CACNA2D3: variants seen among roughly 807,000 people sequenced by gnomAD.
CACNA2D3 encodes the protein calcium voltage-gated channel auxiliary subunit alpha2delta 3.
In CACNA2D3, 60 loss-of-function variants were observed where a neutral mutation model predicts 160.6. That is an observed-to-expected ratio of 0.37 (90% CI 0.30 to 0.46). The LOEUF (loss-of-function observed/expected upper bound fraction) is 0.46, where lower values mean the gene tolerates loss of function less well. Ranked by LOEUF, CACNA2D3 falls within the 20% of genes least tolerant of loss-of-function variation. The pLI is 1.00. For missense variants in CACNA2D3, 1,205 were observed against 1,365.0 expected (o/e 0.88, Z 1.85); for synonymous variants, 558 against 492.9 (o/e 1.13, Z -1.75).
intron 3 of CACNA2D3, among the ~76,000 whole-genome samples, chr3:54,382,447 G>GA (rs988656473): frequency 5.3e-4 from 81 of 152,332 alleles, no homozygotes; most frequent in African/African-American, 1.9e-3. Context: ...CTATGGTCTT[G>GA]ACTTTGTTAG....
chr3:54,186,378 A>G (rs1384006653), intron 2 of CACNA2D3, among the ~76,000 whole-genome samples: 5 of 152,162 alleles, frequency 3.3e-5, no homozygotes, highest in African/African-American at 9.7e-5. Flanking sequence ...TCCTCCCAAG[A>G]TATATGCATC....
intron 3 of CACNA2D3, among the ~76,000 whole-genome samples, chr3:54,323,768 C>T (rs1243342225): frequency 6.6e-6 from 1 of 152,098 alleles, no homozygotes; most frequent in Non-Finnish European, 1.5e-5. Context: ...GCTGGGCCCC[C>T]ACCCCGCTAT....
At chr3:54,141,368 C>T (rs1415638706) in intron 2 of CACNA2D3, among the ~76,000 whole-genome samples, 14 of 152,132 alleles carry the variant, frequency 9.2e-5, no homozygotes, top group Non-Finnish European at 1.5e-5. Context: ...TATGTATCAT[C>T]TTTGCCTTGT....
At chr3:54,935,908 A>G (rs935162728) in intron 27 of CACNA2D3, among the ~76,000 whole-genome samples, 1 of 152,184 alleles carries the variant, frequency 6.6e-6, no homozygotes, top group African/African-American at 2.4e-5. Context: ...TGTAGCCCAC[A>G]TTACACATCC....
rs183640912 is a variant in CACNA2D3 at position 54,292,903 on chromosome 3, A to G, written c.205-27539A>G. Among the ~76,000 whole-genome samples, 18 of 152,362 alleles carry G rather than the reference A, an allele frequency of 1.2e-4. No individual in the cohort carries two copies. The East Asian group carries it at 2.9e-3, about 24-fold the overall frequency. On this transcript the variant is annotated intron_variant, in intron 2 of 37. Coordinates refer to ENST00000474759, the MANE Select transcript of CACNA2D3 (RefSeq NM_018398.3). ...AATGTTCTTAGCAGGATTATCCACA[A>G]TAGCCAAAGGTGGAAACAGCCCGAA... is the stretch of plus-strand genomic sequence containing the variant.
At chr3:54,756,247 A>G (rs1701968667) in intron 12 of CACNA2D3, among the ~76,000 whole-genome samples, 1 of 151,932 alleles carries the variant, frequency 6.6e-6, no homozygotes, top group South Asian at 2.1e-4. Context: ...TGATCGTTTC[A>G]TCTTCCTCAT....
intron 17 of CACNA2D3, among the ~76,000 whole-genome samples, chr3:54,861,773 C>T (rs1699296328): frequency 6.6e-6 from 1 of 152,206 alleles, no homozygotes; most frequent in South Asian, 2.1e-4. Context: ...GTGCTGCTTG[C>T]TTTGCCTGGC....
At chr3:54,320,888 C>T (rs1306537240) in intron 3 of CACNA2D3, among the ~76,000 whole-genome samples, 1 of 152,180 alleles carries the variant, frequency 6.6e-6, no homozygotes, top group Admixed American at 6.5e-5. Flanking sequence ...CACTAGGGTT[C>T]AACTAAGCTC....
intron 35 of CACNA2D3, among the ~76,000 whole-genome samples, chr3:55,026,979 G>A (rs1703574953): frequency 6.6e-6 from 1 of 150,528 alleles, no homozygotes; most frequent in Admixed American, 6.6e-5. Context: ...TCACCGCTAA[G>A]CGCGCATGCA....
At position 54,763,787 on chromosome 3, in the gene CACNA2D3, A is replaced by G. The variant is rs866518586; in HGVS notation, c.1247-431A>G. On this transcript the variant is annotated intron_variant, in intron 12 of 37. Transcript: ENST00000474759. Reference sequence around the variant, plus strand: ...TATATATGTATATATGTACATATATATGTATATATATGTACATATATATAC... The same window carrying G: ...TATATATGTATATATGTACATATATGTGTATATATATGTACATATATATAC... Among the ~76,000 whole-genome samples the G allele has an allele frequency of 2.8e-4, 14 of 49,130 alleles. 1 individual carries two copies. The highest frequency in any genetic ancestry group is 5.4e-4 in the Non-Finnish European group (13 of 24,030). 32.2% of individuals were successfully genotyped at this position (49,130 alleles called of 152,430 possible). A position where few individuals can be genotyped will look rare whatever the true frequency, so the allele number is the denominator to read the frequency against.
At chr3:54,668,440 T>C (rs974058818) in intron 11 of CACNA2D3, among the ~76,000 whole-genome samples, 2 of 152,216 alleles carry the variant, frequency 1.3e-5, no homozygotes, top group African/African-American at 4.8e-5. Flanking sequence ...TGGGTTCACC[T>C]CCGCCATTGT....
At chr3:54,831,831 T>A (rs547915637) in intron 14 of CACNA2D3, among the ~76,000 whole-genome samples, 1 of 152,198 alleles carries the variant, frequency 6.6e-6, no homozygotes, top group Admixed American at 6.5e-5. Flanking sequence ...GTCTAAGAGT[T>A]ACAAATCCAT....
At chr3:54,687,468 G>A (rs1325336961) in intron 11 of CACNA2D3, among the ~76,000 whole-genome samples, 1 of 151,636 alleles carries the variant, frequency 6.6e-6, no homozygotes, top group Non-Finnish European at 1.5e-5. Flanking sequence ...ACTTTTCTTG[G>A]GACAAATTTT....
chr3:54,210,420 G>C (rs1053014203), intron 2 of CACNA2D3, among the ~76,000 whole-genome samples: 1 of 150,994 alleles, frequency 6.6e-6, no homozygotes, highest in African/African-American at 2.4e-5. Flanking sequence ...ACTGTGCAAA[G>C]TTTTTGTGTG....
intron 2 of CACNA2D3, among the ~76,000 whole-genome samples, chr3:54,292,348 A>G (rs1703228368): frequency 6.6e-6 from 1 of 152,164 alleles, no homozygotes; most frequent in Non-Finnish European, 1.5e-5. Context: ...ATAGAAATTA[A>G]TTTTTTTGTG....
chr3:54,734,509 TAGAA>T (rs1198353786), intron 11 of CACNA2D3, among the ~76,000 whole-genome samples: 4 of 152,102 alleles, frequency 2.6e-5, no homozygotes, highest in South Asian at 2.1e-4. Flanking sequence ...CTTATAAAAA[TAGAA>T]AGACTCTAAA....
intron 35 of CACNA2D3, among the ~76,000 whole-genome samples, chr3:55,054,350 T>C (rs568427098): frequency 3.9e-5 from 6 of 151,980 alleles, no homozygotes; most frequent in Admixed American, 2.0e-4. Context: ...TTTCTCTTTG[T>C]TCTCTAATTT....
intron 18 of CACNA2D3, among the ~76,000 whole-genome samples, chr3:54,873,358 C>T (rs993873000): frequency 6.6e-6 from 1 of 151,898 alleles, no homozygotes; most frequent in African/African-American, 2.4e-5. Context: ...TGTTGCCCTT[C>T]CTCTTCCTTC....
At chr3:54,836,964 C>T (rs942490401) in intron 14 of CACNA2D3, among the ~76,000 whole-genome samples, 195 bp from the exon 15 acceptor site, 1 of 152,120 alleles carries the variant, frequency 6.6e-6, no homozygotes, top group African/African-American at 2.4e-5. Context: ...GATTTGTTTC[C>T]CCAGCTGGGG....
Sources: allele counts gnomAD v4.1 joint callset (sites outside exome capture counted in the v4.1 genomes callset), GRCh38; gene constraint gnomAD v4.1.1; transcripts MANE v1.5; gene names NCBI Gene and HGNC (gene_info 2026-07-23, HGNC 2026-07-21).